ALG9: variants seen among roughly 807,000 people sequenced by gnomAD.
ALG9 encodes the protein ALG9 alpha-1,2-mannosyltransferase.
ALG9 carries 55 observed loss-of-function variants against 81.8 expected under a neutral mutation model. The ratio of observed to expected loss-of-function variants is 0.67; its 90% CI spans 0.54 to 0.84. ALG9 has a LOEUF of 0.84. Ranked by LOEUF, ALG9 falls within the 40% of genes least tolerant of loss-of-function variation. ALG9 has a pLI of 0.00. For missense variants in ALG9, 629 were observed against 745.0 expected, an observed-to-expected ratio of 0.84 and a Z score of 1.81; for synonymous variants, 278 against 274.3, an observed-to-expected ratio of 1.01 and a Z score of -0.13.
At chr11:111,808,834 T>C (rs2136407269) in intron 14 of ALG9, among the ~76,000 whole-genome samples, 1 of 152,238 alleles carries the variant, frequency 6.6e-6, no homozygotes. Flanking sequence ...CAACTCCTCT[T>C]CCCCATTACT....
chr11:111,849,057 CTT>C (rs555592218), intron 8 of ALG9, among the ~76,000 whole-genome samples: 1 of 131,380 alleles, frequency 7.6e-6, no homozygotes, highest in East Asian at 2.3e-4. Flanking sequence ...TTCTTTCTTT[CTT>C]TTTTTTTTTG....
At chr11:111,820,618 C>T (rs1805423864) in intron 13 of ALG9, among the ~76,000 whole-genome samples, 2 of 152,186 alleles carry the variant, frequency 1.3e-5, no homozygotes, top group Admixed American at 1.3e-4. Context: ...GGACACAAAC[C>T]ATAGCATTAA....
At chr11:111,787,417 A>G (rs1946641819) in intron 14 of ALG9, among the ~76,000 whole-genome samples, 1 of 152,128 alleles carries the variant, frequency 6.6e-6, no homozygotes, top group African/African-American at 2.4e-5. Flanking sequence ...TGGGTGACAG[A>G]GCGAGACCCT....
intron 13 of ALG9, among the ~76,000 whole-genome samples, chr11:111,821,725 T>C (rs1419579665): frequency 6.6e-6 from 1 of 151,658 alleles, no homozygotes; most frequent in Non-Finnish European, 1.5e-5. Flanking sequence ...AAGCTCCACC[T>C]CCCGGGTTCA....
intron 8 of ALG9, among the ~76,000 whole-genome samples, chr11:111,846,015 C>T (rs1405760549): frequency 1.3e-5 from 2 of 152,128 alleles, no homozygotes; most frequent in Non-Finnish European, 2.9e-5. Context: ...TATTCCAGGC[C>T]CAGTTCATTA....
intron 13 of ALG9, among the ~76,000 whole-genome samples, chr11:111,835,673 TAA>T (rs1468251263): frequency 6.6e-6 from 1 of 152,142 alleles, no homozygotes; most frequent in African/African-American, 2.4e-5. Context: ...ACATAGAAAA[TAA>T]AGAGGTTAAT....
chr11:111,843,382 T>C (rs1158814565), intron 9 of ALG9, among the ~76,000 whole-genome samples: 1 of 152,194 alleles, frequency 6.6e-6, no homozygotes, highest in Non-Finnish European at 1.5e-5. Context: ...TTTCAGACAA[T>C]CTAGGAAATC....
chr11:111,801,767 A>C (rs1237450097), intron 14 of ALG9, among the ~76,000 whole-genome samples: 15 of 152,134 alleles, frequency 9.9e-5, no homozygotes, highest in African/African-American at 3.4e-4. Flanking sequence ...CCCTGAACAC[A>C]ATTTATGGGA....
the ALG9 span, among the ~76,000 whole-genome samples, chr11:111,768,268 G>C: frequency 6.6e-6 from 1 of 152,042 alleles, no homozygotes; most frequent in Admixed American, 6.6e-5. Context: ...ACAATACGAC[G>C]GATGACAGTT....
chr11:111,822,458 T>TTGTAACAC (rs1409144490), intron 13 of ALG9, among the ~76,000 whole-genome samples: 1 of 118,006 alleles, frequency 8.5e-6, no homozygotes, highest in Non-Finnish European at 1.7e-5. Flanking sequence ...ACACCTGTAA[T>TTGTAACAC]TGTAACACTT....
In ALG9 at chr11:111,786,251, C is replaced by T; in HGVS notation, c.*146G>A. On this transcript the variant is annotated 3_prime_UTR_variant, in exon 15 of 15. Transcript: ENST00000616540. ...GACTTTGATTAGACTTTGAAATAGA[C>T]TTTGACTAGCCCAGAGCACCCAGAT... is the stretch of plus-strand genomic sequence containing the variant. 7.7e-7 allele frequency: 1 copy of T among 1,291,826 alleles called. No homozygotes were observed. The highest frequency in any genetic ancestry group is 1.1e-6 in the Non-Finnish European group (1 of 895,176). The allele number at this position is 1,291,826 out of a possible 1,614,324, so 80.0% of individuals were successfully genotyped here.
At chr11:111,843,731 G>A (rs1956558137) in intron 9 of ALG9, among the ~76,000 whole-genome samples, 1 of 152,144 alleles carries the variant, frequency 6.6e-6, no homozygotes, top group East Asian at 1.9e-4. Context: ...GAAAACACCA[G>A]CTGTGCACTA....
At chr11:111,777,507 C>T (rs542075183), downstream of ALG9, among the ~76,000 whole-genome samples, 1 of 152,254 alleles carries the variant, frequency 6.6e-6, no homozygotes, top group Non-Finnish European at 1.5e-5. Context: ...GACAGCATGG[C>T]AGACAAGGTT....
chr11:111,796,005 C>G (rs1304470599), intron 14 of ALG9, among the ~76,000 whole-genome samples: 1 of 152,158 alleles, frequency 6.6e-6, no homozygotes, highest in Non-Finnish European at 1.5e-5. Flanking sequence ...CCCTGCTCTT[C>G]GGACCCTCAT....
chr11:111,830,968 C>T (rs369965283), intron 13 of ALG9, among the ~76,000 whole-genome samples: 3 of 152,026 alleles, frequency 2.0e-5, no homozygotes, highest in African/African-American at 7.3e-5. Flanking sequence ...GCCTGGAGTT[C>T]GAGACCAGCC....
chr11:111,871,051 T>G (rs1964151804), intron 1 of ALG9: 1 of 1,127,210 alleles, frequency 8.9e-7, no homozygotes, highest in Non-Finnish European at 1.1e-6. Flanking sequence ...GTAAAAGGTA[T>G]ACTCTTTGAT....
chr11:111,844,037 CTT>C (rs1427339711), intron 9 of ALG9, among the ~76,000 whole-genome samples: 3 of 152,086 alleles, frequency 2.0e-5, no homozygotes, highest in Non-Finnish European at 4.4e-5. Flanking sequence ...GAGTTTTGCT[CTT>C]GTCGCTCAGC....
intron 4 of ALG9, among the ~76,000 whole-genome samples, chr11:111,861,261 T>C (rs1000845221): frequency 3.9e-5 from 6 of 152,226 alleles, no homozygotes; most frequent in Admixed American, 3.3e-4. Context: ...ATTTAGGCAT[T>C]ATTACTGCTT....
chr11:111,844,792 T>C (rs1229196233), intron 8 of ALG9, 69 bp from the exon 9 acceptor site: 1 of 1,539,230 alleles, frequency 6.5e-7, no homozygotes, highest in Non-Finnish European at 9.0e-7. Context: ...GCTTGACATA[T>C]AATGTTCTTT....
Sources: allele counts gnomAD v4.1 joint callset (sites outside exome capture counted in the v4.1 genomes callset), GRCh38; gene constraint gnomAD v4.1.1; transcripts MANE v1.5; gene names NCBI Gene and HGNC (gene_info 2026-07-23, HGNC 2026-07-21).